Variants in ZBTB38 observed in about 807,000 individuals in gnomAD.
ZBTB38 encodes zinc finger and BTB domain-containing protein 38.
Under a neutral mutation model 76.8 loss-of-function variants are expected in ZBTB38, and 20 were observed. That is an observed-to-expected ratio of 0.26 (90% CI 0.18 to 0.38). The LOEUF is 0.38. Among genes scored for constraint, ZBTB38 ranks in the 10% least tolerant of loss-of-function variants. The pLI is 1.00. For missense variants in ZBTB38, 1,082 were observed against 1,482.3 expected (o/e 0.73, Z 4.43); for synonymous variants, 504 against 544.2 (o/e 0.93, Z 1.03).
chr3:141,351,667 C>G (rs1230096358), intron 1 of ZBTB38, among the ~76,000 whole-genome samples: 10 of 146,968 alleles, frequency 6.8e-5, no homozygotes, highest in Non-Finnish European at 1.5e-4. Flanking sequence ...TGGGAGTTAG[C>G]TGTAATCATT....
At chr3:141,436,874 A>G (rs2078932686) in intron 5 of ZBTB38, among the ~76,000 whole-genome samples, 1 of 152,238 alleles carries the variant, frequency 6.6e-6, no homozygotes, top group Non-Finnish European at 1.5e-5. Context: ...TAAAAATCAC[A>G]TGGGTCAAAC....
intron 1 of ZBTB38, among the ~76,000 whole-genome samples, chr3:141,328,783 T>C (rs1942753292): frequency 6.6e-6 from 1 of 152,130 alleles, no homozygotes; most frequent in Non-Finnish European, 1.5e-5. Context: ...GGCCCTTCTT[T>C]CCCCTCTTGT....
intron 1 of ZBTB38, among the ~76,000 whole-genome samples, chr3:141,347,523 C>G (rs943877534): frequency 1.3e-5 from 2 of 152,214 alleles, no homozygotes; most frequent in South Asian, 2.1e-4. Flanking sequence ...TGTTTGGTTT[C>G]AGACTCCTTC....
chr3:141,328,756 C>T (rs1942752614), intron 1 of ZBTB38, among the ~76,000 whole-genome samples: 1 of 152,186 alleles, frequency 6.6e-6, no homozygotes, highest in African/African-American at 2.4e-5. Context: ...AGCCAGGCTT[C>T]TCTGCCTGGC....
intron 4 of ZBTB38, chr3:141,396,301 C>T (rs940745408): frequency 6.5e-6 from 1 of 152,686 alleles, no homozygotes; most frequent in African/African-American, 2.4e-5. Flanking sequence ...CCTCAAGAAA[C>T]CAGTTTCTTT....
At chr3:141,404,799 C>G (rs552121566) in intron 5 of ZBTB38, among the ~76,000 whole-genome samples, 7 of 152,188 alleles carry the variant, frequency 4.6e-5, no homozygotes, top group Non-Finnish European at 8.8e-5. Context: ...TATGAAGACC[C>G]TTCTGTGGGC....
chr3:141,328,421 C>T (rs1942742523), intron 1 of ZBTB38, among the ~76,000 whole-genome samples: 1 of 152,178 alleles, frequency 6.6e-6, no homozygotes, highest in African/African-American at 2.4e-5. Flanking sequence ...TTTTCTTAAT[C>T]TCTCTTTCTG....
intron 2 of ZBTB38, among the ~76,000 whole-genome samples, chr3:141,380,264 G>A (rs909399456): frequency 3.9e-5 from 6 of 152,188 alleles, no homozygotes; most frequent in Admixed American, 3.9e-4. Flanking sequence ...AGGGCCTGAG[G>A]AAATGTTGAG....
At chr3:141,338,820 A>G (rs1333203131) in intron 1 of ZBTB38, among the ~76,000 whole-genome samples, 1 of 152,218 alleles carries the variant, frequency 6.6e-6, no homozygotes, top group African/African-American at 2.4e-5. Context: ...AGTTGGAAGA[A>G]AAAGAAAATA....
chr3:141,360,467 T>G (rs7613516), intron 1 of ZBTB38, among the ~76,000 whole-genome samples: 83,089 of 152,098 alleles, frequency 0.55, 26,099 homozygotes, highest in African/African-American at 0.88. Context: ...CACCAAAGAT[T>G]TTAACATTGA....
chr3:141,336,218 TAC>T (rs1273553608), intron 1 of ZBTB38, among the ~76,000 whole-genome samples: 5 of 152,104 alleles, frequency 3.3e-5, no homozygotes, highest in African/African-American at 1.2e-4. Flanking sequence ...ATCAGCAAAG[TAC>T]AAAGGCACTG....
At chr3:141,356,062 T>C (rs980978182) in intron 1 of ZBTB38, among the ~76,000 whole-genome samples, 1 of 151,800 alleles carries the variant, frequency 6.6e-6, no homozygotes, top group Non-Finnish European at 1.5e-5. Flanking sequence ...AGCCTATAGG[T>C]GTGTGTTTGT....
rs188139938 is a variant in ZBTB38 at position 141,409,980 on chromosome 3, G to A, written c.-1+5949G>A. On this transcript the variant is annotated intron_variant, in intron 5 of 5. Transcript: ENST00000321464. ...GACATTCGTGAGAATCCAGAGGGGA[G>A]GCCTAGGAATTGTTCCCAGCATGAC... 4.6e-5 allele frequency among the ~76,000 whole-genome samples: 7 copies of A among 152,324 alleles called. No homozygotes were observed. The East Asian group carries it at 1.4e-3, about 29-fold the overall frequency.
At chr3:141,365,856 TTAAG>T (rs775019097), upstream of ZBTB38, among the ~76,000 whole-genome samples, 18 of 152,284 alleles carry the variant, frequency 1.2e-4, no homozygotes, top group South Asian at 4.1e-4. Context: ...ATTGTACACT[TTAAG>T]TGAGTGAACT....
intron 2 of ZBTB38, among the ~76,000 whole-genome samples, chr3:141,377,329 C>T (rs1330794047): frequency 6.6e-6 from 1 of 152,252 alleles, no homozygotes; most frequent in Non-Finnish European, 1.5e-5. Flanking sequence ...CAATGAGAGA[C>T]ATCTGAGGTC....
chr3:141,332,502 C>T (rs995591466), intron 1 of ZBTB38, among the ~76,000 whole-genome samples: 1 of 152,230 alleles, frequency 6.6e-6, no homozygotes, highest in Non-Finnish European at 1.5e-5. Context: ...AAACTTGGCA[C>T]AGGCTCTCAC....
intron 1 of ZBTB38, among the ~76,000 whole-genome samples, chr3:141,329,453 G>A (rs1428897073): frequency 2.6e-5 from 4 of 152,150 alleles, no homozygotes; most frequent in African/African-American, 9.7e-5. Context: ...TTCTTTGAGG[G>A]TCTCCACTTG....
Position 141,445,422 on chromosome 3 carries a change from T to C in ZBTB38, c.3034T>C (p.Cys1012Arg). 6.2e-7 allele frequency: 1 copy of C among 1,614,144 alleles called. No homozygotes were observed. Among genetic ancestry groups the C allele is most frequent in the Non-Finnish European group, 8.5e-7 (1 of 1,180,028 alleles). The change falls in exon 6 of 6, where the codon TGC becomes CGC. Residue 1012 changes from cysteine to arginine, a missense_variant. Physicochemically the swap from Cys to Arg is radical, Grantham distance 180 (BLOSUM62 -3). Around this residue, in one of 8 missense-constraint regions of ZBTB38, gnomAD observed 471 missense variants for 581.0 expected, o/e 0.81. Coordinates refer to ENST00000321464, the MANE Select transcript of ZBTB38 (RefSeq NM_001376113.1). The surrounding 1 kb of genome is among the most constrained non-coding windows in gnomAD (Gnocchi z 6.5). ...ACATCTTACTTCTCGGCCATATGCC[T>C]GCGAGCTCTGCGCCAAGCAGTTCCA... The part of the protein sequence containing the change: ...HRHLTSRPYA[C>R]ELCAKQFQSP...
At chr3:141,388,435 T>G (rs1343031813) in intron 4 of ZBTB38, 2 of 152,230 alleles carry the variant, frequency 1.3e-5, no homozygotes, top group South Asian at 2.1e-4. Flanking sequence ...AGGGAAATAT[T>G]AAATATAGAT....
Sources: allele counts gnomAD v4.1 joint callset (sites outside exome capture counted in the v4.1 genomes callset), GRCh38; gene constraint gnomAD v4.1.1; regional missense constraint gnomAD v4.1.1; non-coding constraint Gnocchi (gnomAD v3.1); transcripts MANE v1.5; gene names NCBI Gene and HGNC (gene_info 2026-07-23, HGNC 2026-07-21).